Variants in PHLPP1 observed in about 807,000 individuals in gnomAD.
PHLPP1 encodes the protein PH domain and leucine rich repeat protein phosphatase 1, also known as PH domain leucine-rich repeat-containing protein phosphatase 1.
Under a neutral mutation model 117.2 loss-of-function variants are expected in PHLPP1, and 42 were observed. That is an observed-to-expected ratio of 0.36 (90% confidence interval 0.28 to 0.46). The LOEUF (loss-of-function observed/expected upper bound fraction) is 0.46, where lower values mean the gene tolerates loss of function less well. Among genes scored for constraint, PHLPP1 ranks in the 20% least tolerant of loss-of-function variants. PHLPP1 has a pLI of 1.00. For missense variants in PHLPP1, 2,084 were observed against 2,241.9 expected (o/e 0.93, Z 1.42); for synonymous variants, 1,042 against 970.7 (o/e 1.07, Z -1.37).
intron 1 of PHLPP1, among the ~76,000 whole-genome samples, chr18:62,724,998 A>G (rs150824862): frequency 2.0e-5 from 3 of 152,352 alleles, no homozygotes; most frequent in Admixed American, 1.3e-4. Flanking sequence ...GAAAAAAATC[A>G]TTGAATTAAA....
chr18:62,895,043 A>T lies in PHLPP1; in HGVS notation c.2099A>T (p.Asn700Ile), dbSNP rs778154482. Residue 700 changes from asparagine (N) to isoleucine (I), a missense_variant, in exon 5 of 17, where the codon AAT becomes ATT. Asn to Ile is a moderately radical substitution (Grantham distance 149). Transcript: ENST00000262719. ...FTKLKSLNLSNNHLGDFPLAV... is the reference protein window; with the variant it reads ...FTKLKSLNLSINHLGDFPLAV... ...AAGTTGAAGAGTCTTAACCTTTCCA[A>T]TAATCATTTAGGGGACTTCCCACTG... 6.2e-7 allele frequency: 1 copy of T among 1,612,360 alleles called. No individual in the cohort carries two copies. The highest frequency in any genetic ancestry group is 8.5e-7 in the Non-Finnish European group (1 of 1,179,022).
chr18:62,927,721 T>C (rs750143237), intron 10 of PHLPP1, among the ~76,000 whole-genome samples: 2 of 151,654 alleles, frequency 1.3e-5, no homozygotes, highest in Non-Finnish European at 2.9e-5. Context: ...ACAGTGGAAA[T>C]GGAAGACAGA....
At chr18:62,836,137 TA>T in intron 2 of PHLPP1, among the ~76,000 whole-genome samples, 1 of 151,870 alleles carries the variant, frequency 6.6e-6, no homozygotes, top group South Asian at 2.1e-4. Flanking sequence ...AATAAATAAA[TA>T]AATTAATTAA....
intron 10 of PHLPP1, among the ~76,000 whole-genome samples, chr18:62,930,857 A>G (rs1322782158): frequency 6.6e-6 from 1 of 152,160 alleles, no homozygotes; most frequent in East Asian, 1.9e-4. Flanking sequence ...ACCACAGTGG[A>G]ATAAAACTAG....
intron 4 of PHLPP1, among the ~76,000 whole-genome samples, chr18:62,866,937 G>C (rs568691604): frequency 1.3e-5 from 2 of 152,104 alleles, no homozygotes; most frequent in East Asian, 3.9e-4. Flanking sequence ...GGTCTGTTGC[G>C]CTACCTTTGA....
At chr18:62,943,841 T>G (rs1428585864) in intron 11 of PHLPP1, among the ~76,000 whole-genome samples, 5 of 152,178 alleles carry the variant, frequency 3.3e-5, no homozygotes, top group Non-Finnish European at 5.9e-5. Flanking sequence ...ATAACATATT[T>G]AAATAATATT....
intron 1 of PHLPP1, among the ~76,000 whole-genome samples, chr18:62,818,012 G>A (rs1395755692): frequency 6.6e-6 from 1 of 151,752 alleles, no homozygotes; most frequent in African/African-American, 2.4e-5. Flanking sequence ...GCACCACCAC[G>A]CCCAGCTAAT....
chr18:62,811,638 A>G (rs775670085), intron 1 of PHLPP1, among the ~76,000 whole-genome samples: 7 of 151,238 alleles, frequency 4.6e-5, no homozygotes, highest in Non-Finnish European at 8.8e-5. Context: ...AACTCTATGG[A>G]TTTTGTGTGT....
At chr18:62,958,015 C>T (rs569273450) in intron 12 of PHLPP1, among the ~76,000 whole-genome samples, 28 of 152,008 alleles carry the variant, frequency 1.8e-4, no homozygotes, top group South Asian at 4.2e-4. Context: ...GTGCACCTAC[C>T]GTATTCAAGT....
chr18:62,870,081 C>T lies in PHLPP1; in HGVS notation c.2066+9480C>T, dbSNP rs186767438. ...CTAATTTTTGTATTTTTAGTAGAGA[C>T]GGAGGGGGGTCTCACCATATTGGCC... On this transcript the variant is annotated intron_variant, in intron 4 of 16. Transcript: ENST00000262719. Among the ~76,000 whole-genome samples, 26 of 152,016 alleles carry T rather than the reference C, an allele frequency of 1.7e-4. No homozygotes were observed. In the East Asian group the frequency reaches 3.1e-3, roughly 18 times the overall value.
At chr18:62,754,613 A>G (rs1911956148) in intron 1 of PHLPP1, among the ~76,000 whole-genome samples, 1 of 152,212 alleles carries the variant, frequency 6.6e-6, no homozygotes, top group African/African-American at 2.4e-5. Context: ...CCACAGTATC[A>G]AAAGTAGGCC....
At chr18:62,753,833 CT>C (rs373994186) in intron 1 of PHLPP1, among the ~76,000 whole-genome samples, 4 of 152,224 alleles carry the variant, frequency 2.6e-5, no homozygotes, top group Middle Eastern at 3.4e-3. Flanking sequence ...ATGAAATTGA[CT>C]GTTTTGTAAG....
chr18:62,976,147 A>G (rs938099853), intron 16 of PHLPP1, among the ~76,000 whole-genome samples: 1 of 152,202 alleles, frequency 6.6e-6, no homozygotes, highest in Non-Finnish European at 1.5e-5. Context: ...GCAGTTTTCA[A>G]CTGGGGGCAG....
intron 4 of PHLPP1, among the ~76,000 whole-genome samples, chr18:62,891,141 A>G (rs554856047): frequency 3.3e-4 from 50 of 152,280 alleles, no homozygotes; most frequent in Non-Finnish European, 5.7e-4. Context: ...AAAAATATTT[A>G]TTGTTTATCT....
chr18:62,854,177 T>C (rs1161434043), intron 3 of PHLPP1, among the ~76,000 whole-genome samples: 1 of 152,260 alleles, frequency 6.6e-6, no homozygotes, highest in East Asian at 1.9e-4. Flanking sequence ...TCTGTGGTTA[T>C]AAGTACAGTA....
intron 4 of PHLPP1, among the ~76,000 whole-genome samples, chr18:62,893,955 G>T (rs1369955992): frequency 6.6e-6 from 1 of 152,182 alleles, no homozygotes; most frequent in East Asian, 1.9e-4. Flanking sequence ...CAGGAGAGGA[G>T]CCAGCATGTG....
intron 10 of PHLPP1, among the ~76,000 whole-genome samples, chr18:62,933,462 C>T (rs1368293060): frequency 2.0e-5 from 3 of 152,096 alleles, no homozygotes; most frequent in Admixed American, 1.3e-4. Context: ...TAAAGCCATA[C>T]ACCTACAACC....
chr18:62,854,537 T>G (rs1915444185), intron 3 of PHLPP1, among the ~76,000 whole-genome samples: 1 of 152,212 alleles, frequency 6.6e-6, no homozygotes, highest in Admixed American at 6.5e-5. Context: ...TTCTAAGGCT[T>G]AAACATATCC....
chr18:62,848,922 A>G (rs1915252067), intron 3 of PHLPP1, among the ~76,000 whole-genome samples: 2 of 152,308 alleles, frequency 1.3e-5, no homozygotes, highest in Admixed American at 6.5e-5. Context: ...AGTGTTTTAC[A>G]GTGGTTGGAA....
Sources: gnomAD v4.1 joint callset for allele counts (sites outside exome capture counted in the v4.1 genomes callset) on GRCh38, gnomAD v4.1.1 for gene constraint, MANE v1.5 for transcripts, NCBI Gene and HGNC (gene_info 2026-07-23, HGNC 2026-07-21) for gene names.